Variants in ZNF383 observed in about 807,000 individuals in gnomAD.
The protein encoded by ZNF383 is zinc finger protein 383.
A neutral mutation model predicts 44.2 loss-of-function variants in ZNF383; 32 were observed. The ratio of observed to expected loss-of-function variants is 0.72; its 90% CI spans 0.55 to 0.97. The LOEUF is 0.97. Ranked by LOEUF, ZNF383 falls within the 50% of genes least tolerant of loss-of-function variation. The probability of loss-of-function intolerance (pLI) is 0.00; values close to 1 mark genes in which losing one functional copy is unlikely to be tolerated. For synonymous variants in ZNF383, 155 were observed against 186.2 expected, an observed-to-expected ratio of 0.83 and a Z score of 1.36; for missense variants, 487 against 562.5, an observed-to-expected ratio of 0.87 and a Z score of 1.36.
intron 5 of ZNF383, among the ~76,000 whole-genome samples, chr19:37,236,796 C>T (rs987933747): frequency 6.6e-6 from 1 of 151,928 alleles, no homozygotes; most frequent in Non-Finnish European, 1.5e-5. Context: ...TCTTGAACTC[C>T]TGACCTCATG....
At chr19:37,236,374 T>C (rs572874354) in intron 5 of ZNF383, among the ~76,000 whole-genome samples, 2 of 152,006 alleles carry the variant, frequency 1.3e-5, no homozygotes, top group South Asian at 4.2e-4. Context: ...CTTGCTAGCT[T>C]TTTTTACTCT....
At chr19:37,229,915 T>A (rs1334256190) in intron 2 of ZNF383, among the ~76,000 whole-genome samples, 2 of 150,970 alleles carry the variant, frequency 1.3e-5, no homozygotes, top group Non-Finnish European at 2.9e-5. Context: ...GAAGTTGACT[T>A]TTTGAGGGTT....
chr19:37,248,165 TA>T lies in ZNF383; in HGVS notation c.*4505del, dbSNP rs1974434823. On this transcript the variant is annotated 3_prime_UTR_variant, in exon 6 of 6. Transcript: ENST00000684119. ...TAAATAAGTGAAATAAAATTTTTCTTAAAATATATTTTAAATGTCAAATTGC... is the reference window on the plus strand; with the variant it reads ...TAAATAAGTGAAATAAAATTTTTCTTAAATATATTTTAAATGTCAAATTGC... The T allele has an allele frequency of 1.3e-5, 2 of 152,154 alleles. No individual in the cohort carries two copies. The highest frequency in any genetic ancestry group is 4.1e-4 in the South Asian group (2 of 4,828). The allele number at this position is 152,154 out of a possible 1,614,324, so 9.4% of individuals were successfully genotyped here.
intron 5 of ZNF383, among the ~76,000 whole-genome samples, chr19:37,236,383 C>T (rs1401278026): frequency 6.6e-6 from 1 of 151,546 alleles, no homozygotes; most frequent in Admixed American, 6.6e-5. Flanking sequence ...TTTTTTTACT[C>T]TCTCTCTTTT....
At chr19:37,234,277 G>T (rs568644334) in intron 3 of ZNF383, among the ~76,000 whole-genome samples, 1 of 152,140 alleles carries the variant, frequency 6.6e-6, no homozygotes, top group South Asian at 2.1e-4. Context: ...CCCCCAAAAT[G>T]TGCCTCATCT....
At chr19:37,222,586 C>T (rs554213524) in intron 1 of ZNF383, among the ~76,000 whole-genome samples, 1 of 152,292 alleles carries the variant, frequency 6.6e-6, no homozygotes, top group Non-Finnish European at 1.5e-5. Flanking sequence ...CCATGTTAGC[C>T]AGGCTGGTCT....
At chr19:37,235,953 T>C (rs769575200) in intron 4 of ZNF383, 26 bp from the exon 5 acceptor site, 6 of 1,591,268 alleles carry the variant, frequency 3.8e-6, no homozygotes, top group Non-Finnish European at 4.3e-6. Context: ...AGCATAACCA[T>C]GTTCCATATC....
At chr19:37,226,477 G>T (rs1286282679) in intron 2 of ZNF383, 1 of 152,072 alleles carries the variant, frequency 6.6e-6, no homozygotes, top group Non-Finnish European at 1.5e-5. Context: ...GCTCTAAAAG[G>T]CCTCTGTGCC....
At chr19:37,228,424 T>A (rs2145492301) in intron 2 of ZNF383, among the ~76,000 whole-genome samples, 1 of 151,006 alleles carries the variant, frequency 6.6e-6, no homozygotes. Flanking sequence ...TTAATATTTA[T>A]ATATAATTAT....
chr19:37,243,916 G>A lies in ZNF383; in HGVS notation c.*252G>A. The A allele has an allele frequency of 2.9e-6, 1 of 340,922 alleles. No homozygotes were observed. 21.1% of individuals were successfully genotyped at this position (340,922 alleles called of 1,614,324 possible). On this transcript the variant is annotated 3_prime_UTR_variant, in exon 6 of 6. Coordinates refer to ENST00000684119, the MANE Select transcript of ZNF383 (RefSeq NM_001387601.1). ...TTTCTTGGTGACACATTATACTCATGTTTATATTTGCTTGTGTTTTTAGAG... is the reference window on the plus strand; with the variant it reads ...TTTCTTGGTGACACATTATACTCATATTTATATTTGCTTGTGTTTTTAGAG...
intron 3 of ZNF383, among the ~76,000 whole-genome samples, chr19:37,234,427 T>C (rs1973665056): frequency 6.6e-6 from 1 of 151,572 alleles, no homozygotes; most frequent in African/African-American, 2.4e-5. Flanking sequence ...CTTGCTCTGT[T>C]GCCCAGGCTG....
At chr19:37,232,171 G>A (rs571810573) in intron 3 of ZNF383, among the ~76,000 whole-genome samples, 1 of 151,840 alleles carries the variant, frequency 6.6e-6, no homozygotes, top group Non-Finnish European at 1.5e-5. Flanking sequence ...CGCCTCCCAG[G>A]TTCAAGCAAT....
At chr19:37,223,524 C>T (rs1973022349) in intron 1 of ZNF383, among the ~76,000 whole-genome samples, 3 of 151,562 alleles carry the variant, frequency 2.0e-5, no homozygotes, top group Admixed American at 2.0e-4. Flanking sequence ...ATAGCAAGAC[C>T]CCATTTCTAA....
chr19:37,219,972 A>AAC (rs777592919), intron 1 of ZNF383, among the ~76,000 whole-genome samples: 3 of 151,870 alleles, frequency 2.0e-5, no homozygotes, highest in Admixed American at 6.6e-5. Flanking sequence ...TGTTTTTTTA[A>AAC]ACACACACAC....
rs2145551043 is a variant in ZNF383, at chr19:37,243,937, T to C, written c.*273T>C. ...TCATGTTTATATTTGCTTGTGTTTT[T>C]AGAGCTATCTTTTCTGATCTGTGTA... On this transcript the variant is annotated 3_prime_UTR_variant, in exon 6 of 6. Coordinates refer to ENST00000684119, the MANE Select transcript of ZNF383 (RefSeq NM_001387601.1). 3.4e-6 allele frequency: 1 copy of C among 298,438 alleles called. No homozygotes were observed. Among genetic ancestry groups the C allele is most frequent in the South Asian group, 9.3e-5 (1 of 10,796 alleles). 18.5% of individuals were successfully genotyped at this position (298,438 alleles called of 1,614,324 possible).
chr19:37,235,915 A>G, intron 4 of ZNF383, 64 bp from the exon 5 acceptor site: 3 of 1,426,280 alleles, frequency 2.1e-6, no homozygotes, highest in South Asian at 2.6e-5. Context: ...TCCTGTGATC[A>G]TCAAGGGACT....
intron 2 of ZNF383, among the ~76,000 whole-genome samples, chr19:37,228,909 A>C (rs1257697119): frequency 6.6e-6 from 1 of 152,022 alleles, no homozygotes; most frequent in Middle Eastern, 3.2e-3. Flanking sequence ...ACTTTATAAC[A>C]ATTTTTTTCT....
chr19:37,240,311 TAAGA>T (rs1974022901), intron 5 of ZNF383, among the ~76,000 whole-genome samples: 3 of 152,212 alleles, frequency 2.0e-5, no homozygotes, highest in Admixed American at 6.5e-5. Flanking sequence ...CCATTTTTAG[TAAGA>T]AATTGTTTCA....
intron 1 of ZNF383, among the ~76,000 whole-genome samples, chr19:37,218,805 C>T (rs931980368): frequency 4.6e-5 from 7 of 151,938 alleles, no homozygotes; most frequent in African/African-American, 1.5e-4. Context: ...TGCGTGTAAT[C>T]GTGCCGGGGT....
Sources: allele counts gnomAD v4.1 joint callset (sites outside exome capture counted in the v4.1 genomes callset), GRCh38; gene constraint gnomAD v4.1.1; transcripts MANE v1.5; gene names NCBI Gene and HGNC (gene_info 2026-07-23, HGNC 2026-07-21).